The following INPP5D variants were observed in gnomAD, a reference collection of about 807,000 sequenced individuals.
INPP5D encodes the protein inositol polyphosphate-5-phosphatase D, also known as phosphatidylinositol 3,4,5-trisphosphate 5-phosphatase 1.
INPP5D carries 33 observed loss-of-function variants against 122.9 expected under a neutral mutation model. The ratio of observed to expected loss-of-function variants is 0.27; its 90% confidence interval spans 0.20 to 0.36. The LOEUF is 0.36. INPP5D is among the 10% of genes least tolerant of loss of function. The probability of loss-of-function intolerance (pLI) is 1.00; values close to 1 mark genes in which losing one functional copy is unlikely to be tolerated. For synonymous variants in INPP5D, 584 were observed against 576.2 expected, an observed-to-expected ratio of 1.01 and a Z score of -0.19; for missense variants, 1,053 against 1,412.7, an observed-to-expected ratio of 0.75 and a Z score of 4.08.
chr2:233,083,781 G>A (rs1014980039), intron 2 of INPP5D, among the ~76,000 whole-genome samples: 22 of 152,180 alleles, frequency 1.4e-4, no homozygotes, highest in Admixed American at 1.4e-3. Context: ...GCCTGGAGTG[G>A]CCTCAGACGT....
intron 5 of INPP5D, among the ~76,000 whole-genome samples, chr2:233,131,343 A>C (rs1415061119): frequency 2.0e-5 from 3 of 151,406 alleles, no homozygotes; most frequent in Non-Finnish European, 4.4e-5. Flanking sequence ...GAGAAAAAAA[A>C]CAAAAAAAAT....
intron 2 of INPP5D, among the ~76,000 whole-genome samples, chr2:233,115,114 G>A (rs532736689): frequency 7.9e-5 from 12 of 152,272 alleles, no homozygotes; most frequent in East Asian, 3.9e-4. Context: ...TGATCCGCCC[G>A]CCTCAGCCTC....
At chr2:233,061,087 G>A (rs1691060146) in intron 1 of INPP5D, among the ~76,000 whole-genome samples, 1 of 152,160 alleles carries the variant, frequency 6.6e-6, no homozygotes, top group Non-Finnish European at 1.5e-5. Context: ...AAGAATATGG[G>A]GTGAGTTTAA....
intron 5 of INPP5D, among the ~76,000 whole-genome samples, chr2:233,131,517 T>G (rs1693325378): frequency 6.7e-6 from 1 of 149,466 alleles, no homozygotes; most frequent in African/African-American, 2.5e-5. Context: ...GCCAACATGG[T>G]GAAATCCTGT....
intron 20 of INPP5D, among the ~76,000 whole-genome samples, chr2:233,185,063 C>T (rs181736716): frequency 5.5e-4 from 83 of 152,234 alleles, no homozygotes; most frequent in Non-Finnish European, 1.0e-3. Flanking sequence ...ACACCCTTTC[C>T]GGGTGACATT....
At chr2:233,112,064 G>GAA (rs111594925) in intron 2 of INPP5D, among the ~76,000 whole-genome samples, 1 of 117,274 alleles carries the variant, frequency 8.5e-6, no homozygotes. Flanking sequence ...ACTCTGTCTT[G>GAA]AAAAAAAAAA....
chr2:233,180,691 A>T (rs1694762447), intron 18 of INPP5D, among the ~76,000 whole-genome samples: 1 of 152,080 alleles, frequency 6.6e-6, no homozygotes, highest in African/African-American at 2.4e-5. Context: ...GGCGCCCACC[A>T]CCACGCCCAG....
intron 1 of INPP5D, 147 bp from the exon 2 acceptor site, chr2:233,079,188 C>T: frequency 1.6e-6 from 1 of 626,378 alleles, no homozygotes; most frequent in East Asian, 2.8e-5. Context: ...TCAGGACTCA[C>T]CTCCATCTTA....
chr2:233,169,524 C>T, intron 14 of INPP5D, 123 bp downstream of exon 14: 2 of 1,420,866 alleles, frequency 1.4e-6, no homozygotes, highest in Non-Finnish European at 1.9e-6. Context: ...TGTCCTGTGG[C>T]CTTTCAGGGC....
intron 2 of INPP5D, among the ~76,000 whole-genome samples, chr2:233,081,018 C>T (rs951640883): frequency 6.6e-6 from 1 of 152,216 alleles, no homozygotes; most frequent in African/African-American, 2.4e-5. Context: ...CATCCTCCTG[C>T]CCCTGAGTCC....
At chr2:233,125,354 G>C (rs1333491067) in intron 3 of INPP5D, among the ~76,000 whole-genome samples, 1 of 152,236 alleles carries the variant, frequency 6.6e-6, no homozygotes, top group Non-Finnish European at 1.5e-5. Context: ...TCTGGGAACT[G>C]GGCCTCTGCC....
intron 2 of INPP5D, chr2:233,120,693 G>T (rs1692943673): frequency 6.6e-6 from 1 of 152,352 alleles, no homozygotes; most frequent in Non-Finnish European, 1.5e-5. Flanking sequence ...TGAGGGCAGG[G>T]CCTGGCAAGA....
Position 233,195,354 on chromosome 2 carries a change from G to A in INPP5D, c.2597-45G>A, listed in dbSNP as rs775030738. 3.7e-6 allele frequency: 6 copies of A among 1,613,126 alleles called. No individual in the cohort carries two copies. The South Asian group carries it at 6.6e-5, about 18-fold the overall frequency. The stretch of plus-strand genomic sequence containing the variant: ...CTTTGCCATCCCTCGCCTAAGCTCT[G>A]GAAGCTGGGCCCTCACATGCTCTTT... On this transcript the variant is annotated intron_variant, in intron 23 of 26. Transcript: ENST00000445964.
chr2:233,140,105 G>A, intron 6 of INPP5D, 176 bp downstream of exon 6: 1 of 384,582 alleles, frequency 2.6e-6, no homozygotes, highest in Non-Finnish European at 4.6e-6. Flanking sequence ...GCCCTTTCCA[G>A]GAAGCCATCT....
At chr2:233,147,223 C>G (rs1215600119) in intron 8 of INPP5D, among the ~76,000 whole-genome samples, 1 of 152,190 alleles carries the variant, frequency 6.6e-6, no homozygotes, top group Non-Finnish European at 1.5e-5. Context: ...TTTCCGCCAG[C>G]AAACCTGTTG....
chr2:233,110,075 A>C (rs554583074), intron 2 of INPP5D, among the ~76,000 whole-genome samples: 1 of 143,398 alleles, frequency 7.0e-6, no homozygotes, highest in African/African-American at 2.6e-5. Flanking sequence ...TTTTTGAGAT[A>C]GAGTCTCACT....
In INPP5D at chr2:233,130,664, CG is replaced by C. The variant is rs745663584; in HGVS notation, c.665+21del. On this transcript the variant is annotated intron_variant, in intron 5 of 26. Transcript: ENST00000445964. ...AGCTCTATGGGTAATGGCTGGCCCACGGGGGCGGGCAGGTGGGGGCGGCCAC... is the reference window on the plus strand; with the variant it reads ...AGCTCTATGGGTAATGGCTGGCCCACGGGGCGGGCAGGTGGGGGCGGCCAC... The C allele has an allele frequency of 6.2e-7, 1 of 1,613,456 alleles. No homozygotes were observed. The highest frequency in any genetic ancestry group is 8.5e-7 in the Non-Finnish European group (1 of 1,179,592).
Position 233,147,601 on chromosome 2 carries a change from C to T in INPP5D, c.1030+7C>T. The T allele has an allele frequency of 1.4e-6, 1 of 703,772 alleles. No individual in the cohort carries two copies. Among genetic ancestry groups the T allele is most frequent in the Admixed American group, 2.0e-5 (1 of 50,014 alleles). 43.6% of individuals were successfully genotyped at this position (703,772 alleles called of 1,614,324 possible). On this transcript the variant is annotated splice_region_variant and intron_variant, in intron 9 of 26. Transcript: ENST00000445964. ...TTCTACAGCCACAAGAAAAGTAAGA[C>T]CCCTCGTGCCTATCAACCACTGCCC...
chr2:233,204,660 C>G lies in INPP5D; in HGVS notation c.3510C>G (p.His1170Gln). 1 of 1,577,706 alleles carries G rather than the reference C, an allele frequency of 6.3e-7. No homozygotes were observed. Among genetic ancestry groups the G allele is most frequent in the Middle Eastern group, 1.7e-4 (1 of 5,980 alleles). ...DYRDNTELPHHGKHRPEEGPP... is the reference protein window; with the variant it reads ...DYRDNTELPHQGKHRPEEGPP... Reference sequence around the variant, plus strand: ...GCGACAACACCGAGCTCCCGCATCACGGCAAGCACCGGCCGGAGGAGGGGC... The same window carrying G: ...GCGACAACACCGAGCTCCCGCATCAGGGCAAGCACCGGCCGGAGGAGGGGC... The change falls in exon 26 of 27, where the codon CAC (histidine) becomes CAG (glutamine). Residue 1170 changes from histidine to glutamine, a missense_variant. Transcript: ENST00000445964.
Sources: gnomAD v4.1 joint callset for allele counts (sites outside exome capture counted in the v4.1 genomes callset) on GRCh38, gnomAD v4.1.1 for gene constraint, MANE v1.5 for transcripts, NCBI Gene and HGNC (gene_info 2026-07-23, HGNC 2026-07-21) for gene names.